Variants in B4GALT5 observed in about 807,000 individuals in gnomAD.
The protein encoded by B4GALT5 is beta-1,4-galactosyltransferase 5.
In B4GALT5, 11 loss-of-function variants were observed where a neutral mutation model predicts 45.0. The ratio of observed to expected loss-of-function variants is 0.24; its 90% confidence interval spans 0.15 to 0.40. B4GALT5 has a LOEUF of 0.40. B4GALT5 is among the 10% of genes least tolerant of loss of function. The pLI is 1.00. For synonymous variants in B4GALT5, 185 were observed against 182.9 expected (o/e 1.01, Z -0.09); for missense variants, 337 against 500.2 (o/e 0.67, Z 3.11).
chr20:49,640,472 A>G lies in B4GALT5; in HGVS notation c.794+6T>C, dbSNP rs913161333. 6.4e-7 allele frequency: 1 copy of G among 1,561,354 alleles called. No individual in the cohort carries two copies. The highest frequency in any genetic ancestry group is 1.4e-5 in the African/African-American group (1 of 72,464). On this transcript the variant is annotated splice_donor_region_variant and intron_variant, in intron 6 of 8. Transcript: ENST00000371711. ...ACCTCTTTAATTAAGAAGAAATGAT[A>G]CTCACAGATACATATACTTATCCAA...
At chr20:49,665,399 C>A (rs1159863552) in intron 1 of B4GALT5, among the ~76,000 whole-genome samples, 1 of 106,622 alleles carries the variant, frequency 9.4e-6, no homozygotes, top group Non-Finnish European at 1.7e-5. Flanking sequence ...GGTAACACAG[C>A]AAGACCCTGT....
chr20:49,650,426 C>T (rs2085616752), intron 2 of B4GALT5, among the ~76,000 whole-genome samples: 1 of 148,034 alleles, frequency 6.8e-6, no homozygotes, highest in Non-Finnish European at 1.5e-5. Flanking sequence ...CGAGATCAGC[C>T]TGGCCAATAT....
rs770303600 is a variant in B4GALT5 at position 49,637,425 on chromosome 20, T to A, written c.935A>T (p.Tyr312Phe). ...GTCACCCTCTGGCCGGCTCACAGAA[T>A]AGCCTGCATTCTGTACTCTGTCCAA... ...DLWNRVQNAG[Y>F]SVSRPEGDTG... The change falls in exon 8 of 9, where the codon TAT (tyrosine) becomes TTT (phenylalanine). Residue 312 changes from tyrosine to phenylalanine, a missense_variant. By Grantham distance (22) the Tyr-to-Phe change is conservative. Around this residue, in one of 2 missense-constraint regions of B4GALT5, gnomAD observed 163 missense variants for 292.8 expected, o/e 0.56. Coordinates refer to ENST00000371711, the MANE Select transcript of B4GALT5 (RefSeq NM_004776.4). The A allele has an allele frequency of 6.2e-7, 1 of 1,614,056 alleles. No individual in the cohort carries two copies. The highest frequency in any genetic ancestry group is 1.1e-5 in the South Asian group (1 of 91,082).
intron 8 of B4GALT5, among the ~76,000 whole-genome samples, chr20:49,636,770 G>A (rs769429782): frequency 4.6e-5 from 7 of 152,118 alleles, no homozygotes; most frequent in Non-Finnish European, 1.0e-4. Context: ...GTGGGGAAGT[G>A]GGAGGTAAAG....
chr20:49,661,761 T>C (rs1049590699), intron 1 of B4GALT5, among the ~76,000 whole-genome samples: 6 of 152,176 alleles, frequency 3.9e-5, no homozygotes, highest in African/African-American at 1.4e-4. Flanking sequence ...GAGTAATGTA[T>C]AGACAAAATT....
chr20:49,650,952 C>A (rs2085620117), intron 2 of B4GALT5, among the ~76,000 whole-genome samples: 1 of 152,178 alleles, frequency 6.6e-6, no homozygotes, highest in Non-Finnish European at 1.5e-5. Context: ...CTATTTCAAA[C>A]CTGGACATGT....
intron 1 of B4GALT5, among the ~76,000 whole-genome samples, chr20:49,704,025 T>G (rs1483458279): frequency 6.6e-6 from 1 of 152,208 alleles, no homozygotes; most frequent in Non-Finnish European, 1.5e-5. Flanking sequence ...AATAAAACAT[T>G]TTTTTCCTTT....
chr20:49,698,447 CA>C (rs1384272813), intron 1 of B4GALT5, among the ~76,000 whole-genome samples: 1 of 152,166 alleles, frequency 6.6e-6, no homozygotes, highest in Non-Finnish European at 1.5e-5. Context: ...TCCCTAGTGC[CA>C]AATGAAATTC....
At chr20:49,644,931 AC>A (rs1297216820) in intron 3 of B4GALT5, among the ~76,000 whole-genome samples, 2 of 152,198 alleles carry the variant, frequency 1.3e-5, no homozygotes, top group African/African-American at 2.4e-5. Context: ...TTAAAAAAAA[AC>A]AATTTTAAAA....
In B4GALT5 at chr20:49,650,456, TAAAAAA is replaced by T. The variant is rs141588605; in HGVS notation, c.251-3384_251-3379del. 1.3e-3 allele frequency among the ~76,000 whole-genome samples: 162 copies of T among 128,444 alleles called. No homozygotes were observed. In the East Asian group the frequency reaches 0.013, roughly 10 times the overall value. The allele number at this position is 128,444 out of a possible 152,430, so 84.3% of individuals were successfully genotyped here. ...CAATATGGTGAAACCCCATCTCTGC[TAAAAAA>T]AAAAAAAAAAAAAAAAACACAAAAA... is the stretch of plus-strand genomic sequence containing the variant. On this transcript the variant is annotated intron_variant, in intron 2 of 8. Coordinates refer to ENST00000371711, the MANE Select transcript of B4GALT5 (RefSeq NM_004776.4).
chr20:49,679,838 G>A (rs1014718306), intron 1 of B4GALT5, among the ~76,000 whole-genome samples: 2 of 152,118 alleles, frequency 1.3e-5, no homozygotes, highest in African/African-American at 4.8e-5. Flanking sequence ...GGTTATTTAG[G>A]AAATATGGCA....
chr20:49,699,597 C>A (rs1246190984), intron 1 of B4GALT5, among the ~76,000 whole-genome samples: 1 of 152,056 alleles, frequency 6.6e-6, no homozygotes, highest in Non-Finnish European at 1.5e-5. Context: ...TACACACATA[C>A]CTATGGTAAA....
chr20:49,633,511 C>CA lies in B4GALT5; in HGVS notation c.*2800dup, dbSNP rs766354901. On this transcript the variant is annotated 3_prime_UTR_variant, in exon 9 of 9. Coordinates refer to ENST00000371711, the MANE Select transcript of B4GALT5 (RefSeq NM_004776.4). ...CCTGGCTGTACGTTTTTAACTATGA[C>CA]ATTTCCCATATGATATTCGAGGCCT... 6.6e-6 allele frequency: 1 copy of CA among 151,112 alleles called. No individual in the cohort carries two copies. Among genetic ancestry groups the CA allele is most frequent in the Non-Finnish European group, 1.5e-5 (1 of 67,950 alleles). 9.4% of individuals were successfully genotyped at this position (151,112 alleles called of 1,614,324 possible).
chr20:49,665,864 GGGAAATACATCTGA>G (rs1307235528), intron 1 of B4GALT5, among the ~76,000 whole-genome samples: 1 of 151,748 alleles, frequency 6.6e-6, no homozygotes, highest in Non-Finnish European at 1.5e-5. Context: ...GCCATCCAGG[GGGAAATACATCTGA>G]GGAATCAAAG....
intron 1 of B4GALT5, among the ~76,000 whole-genome samples, chr20:49,680,603 G>A (rs2085759874): frequency 6.6e-6 from 1 of 152,116 alleles, no homozygotes; most frequent in Non-Finnish European, 1.5e-5. Context: ...AAGTTGCGGA[G>A]AAGGGGACTA....
At chr20:49,688,886 G>A (rs1054461686) in intron 1 of B4GALT5, among the ~76,000 whole-genome samples, 7 of 147,690 alleles carry the variant, frequency 4.7e-5, no homozygotes, top group Admixed American at 3.4e-4. Context: ...GCAGTGAGCC[G>A]AGATCGTGCC....
At chr20:49,710,442 C>T (rs1291503713) in intron 1 of B4GALT5, among the ~76,000 whole-genome samples, 9 of 134,608 alleles carry the variant, frequency 6.7e-5, no homozygotes, top group African/African-American at 2.5e-4. Context: ...GTGTATGAGA[C>T]AGAGTCTCAC....
intron 1 of B4GALT5, among the ~76,000 whole-genome samples, chr20:49,665,427 T>TG (rs1175268413): frequency 1.2e-3 from 9 of 7,428 alleles, no homozygotes; most frequent in East Asian, 2.5e-3. Flanking sequence ...AAAGGGGGGG[T>TG]GGGGGGGTAG....
chr20:49,709,896 A>T (rs1009723074), intron 1 of B4GALT5, among the ~76,000 whole-genome samples: 1 of 152,144 alleles, frequency 6.6e-6, no homozygotes. Flanking sequence ...TTATTTAGTA[A>T]TTTTCCTCAT....
Sources: gnomAD v4.1 joint callset for allele counts (sites outside exome capture counted in the v4.1 genomes callset) on GRCh38, gnomAD v4.1.1 for gene constraint, gnomAD v4.1.1 regional missense constraint, MANE v1.5 for transcripts, NCBI Gene and HGNC (gene_info 2026-07-23, HGNC 2026-07-21) for gene names.